Variants in ZNF684 observed in about 807,000 individuals in gnomAD.
ZNF684 encodes zinc finger protein 684.
ZNF684 carries 13 observed loss-of-function variants against 12.8 expected under a neutral mutation model. The ratio of observed to expected loss-of-function variants is 1.02; its 90% confidence interval spans 0.66 to 1.62. The LOEUF is 1.62. Among genes scored for constraint, ZNF684 ranks in the 40% most tolerant of loss-of-function variants. The pLI is 0.00. For missense variants in ZNF684, 384 were observed against 446.9 expected (o/e 0.86, Z 1.27); for synonymous variants, 118 against 151.8 (o/e 0.78, Z 1.64).
chr1:40,545,567 T>TA (rs1314180773), intron 4 of ZNF684, among the ~76,000 whole-genome samples: 3 of 152,160 alleles, frequency 2.0e-5, no homozygotes, highest in African/African-American at 4.8e-5. Context: ...AAGGATGACT[T>TA]ACGCTTGGAT....
chr1:40,538,268 C>A (rs912993327), intron 2 of ZNF684, among the ~76,000 whole-genome samples: 1 of 152,038 alleles, frequency 6.6e-6, no homozygotes, highest in Non-Finnish European at 1.5e-5. Flanking sequence ...GCTGGGATTA[C>A]AGGTGAGAGG....
At chr1:40,533,823 CTTT>C (rs574077502) in intron 2 of ZNF684, among the ~76,000 whole-genome samples, 44 of 123,896 alleles carry the variant, frequency 3.6e-4, no homozygotes, top group Non-Finnish European at 4.0e-4. Context: ...GTTAGGTATT[CTTT>C]TTTTTTTTTT....
chr1:40,547,282 T>G lies in ZNF684; in HGVS notation c.959T>G (p.Ile320Ser), dbSNP rs1354460509. The change falls in exon 5 of 5, where the codon ATT becomes AGT. Residue 320 changes from isoleucine to serine, a missense_variant. By Grantham distance (142) the Ile-to-Ser change is moderately radical. Transcript: ENST00000372699. The stretch of plus-strand genomic sequence containing the variant: ...TCCGTGCTTGTTACACACCAAAGAA[T>G]TCATACAGGAGAGAAACCTTACAGT... ...NTSVLVTHQR[I>S]HTGEKPYSCI... The G allele has an allele frequency of 1.9e-6, 3 of 1,614,150 alleles. No individual in the cohort carries two copies. In the African/African-American group the frequency reaches 4.0e-5, roughly 22 times the overall value.
intron 4 of ZNF684, among the ~76,000 whole-genome samples, chr1:40,545,292 A>C (rs1232613548): frequency 6.6e-6 from 1 of 152,304 alleles, no homozygotes; most frequent in East Asian, 1.9e-4. Context: ...GGAAAACTTA[A>C]GCGTGGGGAA....
intron 2 of ZNF684, among the ~76,000 whole-genome samples, chr1:40,535,253 C>G (rs149839681): frequency 0.012 from 1,778 of 152,296 alleles, 11 homozygotes; most frequent in Non-Finnish European, 0.017. Context: ...TTGCAGAACT[C>G]CTGCAGATCC....
chr1:40,542,780 A>G (rs1490153214), intron 4 of ZNF684, among the ~76,000 whole-genome samples: 2 of 152,172 alleles, frequency 1.3e-5, no homozygotes, highest in Non-Finnish European at 2.9e-5. Flanking sequence ...TGCATTAAGC[A>G]ATTTGATTTT....
At position 40,547,642 on chromosome 1, in the gene ZNF684, A is replaced by G. The variant is rs1646056890; in HGVS notation, c.*182A>G. On this transcript the variant is annotated 3_prime_UTR_variant, in exon 5 of 5. Coordinates refer to ENST00000372699, the MANE Select transcript of ZNF684 (RefSeq NM_152373.4). Reference sequence around the variant, plus strand: ...ATAAACTTTTTACAGAAAATATGACAGAAAACAACTATAAATAATAGAGCA... The same window carrying G: ...ATAAACTTTTTACAGAAAATATGACGGAAAACAACTATAAATAATAGAGCA... 6.0e-6 allele frequency: 3 copies of G among 500,854 alleles called. No homozygotes were observed. The highest frequency in any genetic ancestry group is 1.0e-5 in the Non-Finnish European group (3 of 299,472). 31.0% of individuals were successfully genotyped at this position (500,854 alleles called of 1,614,324 possible). A position where few individuals can be genotyped will look rare whatever the true frequency, so the allele number is the denominator to read the frequency against.
intron 2 of ZNF684, among the ~76,000 whole-genome samples, chr1:40,538,738 C>T (rs1214643037): frequency 6.6e-6 from 1 of 152,026 alleles, no homozygotes; most frequent in Non-Finnish European, 1.5e-5. Context: ...ATCCCAGTTA[C>T]TCAGGAGGCT....
At chr1:40,545,385 A>G (rs939725791) in intron 4 of ZNF684, among the ~76,000 whole-genome samples, 11 of 152,212 alleles carry the variant, frequency 7.2e-5, no homozygotes, top group African/African-American at 2.7e-4. Context: ...AAAAATGTGA[A>G]TTCAAGAGCA....
chr1:40,537,192 TA>T (rs1407596297), intron 2 of ZNF684, among the ~76,000 whole-genome samples: 1 of 152,200 alleles, frequency 6.6e-6, no homozygotes, highest in Non-Finnish European at 1.5e-5. Context: ...CCTGACTTTT[TA>T]ATGATTGCCA....
intron 2 of ZNF684, among the ~76,000 whole-genome samples, chr1:40,534,810 T>G (rs1449627795): frequency 6.6e-6 from 1 of 151,306 alleles, no homozygotes; most frequent in Non-Finnish European, 1.5e-5. Context: ...CTGGGCAATA[T>G]AGCAAGACCC....
At position 40,541,498 on chromosome 1, in the gene ZNF684, T is replaced by G. The variant is rs371732431; in HGVS notation, c.143-117T>G. 906 of 782,336 alleles carry G rather than the reference T, an allele frequency of 1.2e-3. 5 individuals carry two copies. Among genetic ancestry groups the G allele is most frequent in the Middle Eastern group, 3.1e-3 (13 of 4,188 alleles). 48.5% of individuals were successfully genotyped at this position (782,336 alleles called of 1,614,324 possible). A position where few individuals can be genotyped will look rare whatever the true frequency, so the allele number is the denominator to read the frequency against. ...GCGCCCAGCCTGGGTCTGTTCTGTT[T>G]TAAAGGCTGCTTGTTATCCTTTAAA... is the stretch of plus-strand genomic sequence containing the variant. On this transcript the variant is annotated intron_variant, in intron 3 of 4. Coordinates refer to ENST00000372699, the MANE Select transcript of ZNF684 (RefSeq NM_152373.4).
At chr1:40,543,630 G>A (rs1646027927) in intron 4 of ZNF684, among the ~76,000 whole-genome samples, 1 of 151,884 alleles carries the variant, frequency 6.6e-6, no homozygotes, top group South Asian at 2.1e-4. Context: ...CTAATTTTTG[G>A]TACTTTTAGT....
chr1:40,546,763 T>C lies in ZNF684; in HGVS notation c.440T>C (p.Leu147Pro). 1 of 1,612,972 alleles carries C rather than the reference T, an allele frequency of 6.2e-7. No individual in the cohort carries two copies. The highest frequency in any genetic ancestry group is 8.5e-7 in the Non-Finnish European group (1 of 1,179,658). ...EKCLPPNLDLLKYNRSYTVEN... is the reference protein window; with the variant it reads ...EKCLPPNLDLPKYNRSYTVEN... ...TGTTTGCCACCTAATTTAGACTTACTTAAATATAATAGAAGTTATACTGTA... is the reference window on the plus strand; with the variant it reads ...TGTTTGCCACCTAATTTAGACTTACCTAAATATAATAGAAGTTATACTGTA... The change falls in exon 5 of 5, where the codon CTT (leucine) becomes CCT (proline). Residue 147 changes from leucine (L) to proline (P), a missense_variant. Transcript: ENST00000372699.
rs781608000 is a variant in ZNF684, at chr1:40,547,226, T to C, written c.903T>C (p.Cys301=). 1.2e-6 allele frequency: 2 copies of C among 1,614,238 alleles called. No individual in the cohort carries two copies. Among genetic ancestry groups the C allele is most frequent in the South Asian group, 2.2e-5 (2 of 91,090 alleles). ...RFHTGEKPYQ[C]IICGKAFGNT... ...ATACAGGAGAGAAACCCTACCAGTG[T>C]ATCATATGTGGCAAAGCTTTTGGCA... Residue 301 remains cysteine, a synonymous_variant, in exon 5 of 5, where the codon TGT becomes TGC. Transcript: ENST00000372699.
rs1320497760 is a variant in ZNF684 at position 40,541,812 on chromosome 1, G to A, written c.238+102G>A. On this transcript the variant is annotated intron_variant, in intron 4 of 4. Transcript: ENST00000372699. ...ATACTCTTAGAAGCACCTCTTAAAA[G>A]CCACACACCTTTAACATAACATCAT... 4 of 902,014 alleles carry A rather than the reference G, an allele frequency of 4.4e-6. No homozygotes were observed. The East Asian group carries it at 1.1e-4, about 26-fold the overall frequency. The allele number at this position is 902,014 out of a possible 1,614,324, so 55.9% of individuals were successfully genotyped here.
chr1:40,546,349 T>A (rs144846276), intron 4 of ZNF684, among the ~76,000 whole-genome samples: 60 of 152,324 alleles, frequency 3.9e-4, no homozygotes, highest in Non-Finnish European at 5.9e-4. Context: ...CACTCTACCT[T>A]GTGCCTAATT....
chr1:40,541,260 T>C (rs1260178642), intron 3 of ZNF684: 1 of 174,700 alleles, frequency 5.7e-6, no homozygotes, highest in Admixed American at 5.6e-5. Flanking sequence ...AGTGGTGCAA[T>C]CTCGGCTTCA....
rs1646017586 is a variant in ZNF684, at chr1:40,541,719, G to A, written c.238+9G>A. On this transcript the variant is annotated intron_variant, in intron 4 of 4. Transcript: ENST00000372699. ...ACACGAGAGCTCTCCAGGTGAGTGAGAGAAATTCAGATGGGGCTGTGTGGA... is the reference window on the plus strand; with the variant it reads ...ACACGAGAGCTCTCCAGGTGAGTGAAAGAAATTCAGATGGGGCTGTGTGGA... 2 of 1,608,436 alleles carry A rather than the reference G, an allele frequency of 1.2e-6. No individual in the cohort carries two copies. The highest frequency in any genetic ancestry group is 1.1e-5 in the South Asian group (1 of 90,652).
Sources: allele counts gnomAD v4.1 joint callset (sites outside exome capture counted in the v4.1 genomes callset), GRCh38; gene constraint gnomAD v4.1.1; transcripts MANE v1.5; gene names NCBI Gene and HGNC (gene_info 2026-07-23, HGNC 2026-07-21).